RNPC3: variants seen among roughly 807,000 people sequenced by gnomAD.
RNPC3 encodes the protein RNA-binding region-containing protein 3.
A neutral mutation model predicts 67.5 loss-of-function variants in RNPC3; 48 were observed. That is an observed-to-expected ratio of 0.71 (90% CI 0.56 to 0.90). RNPC3 has a LOEUF of 0.90. Ranked by LOEUF, RNPC3 falls within the 40% of genes least tolerant of loss-of-function variation. The probability of loss-of-function intolerance (pLI) is 0.00; values close to 1 mark genes in which losing one functional copy is unlikely to be tolerated. For missense variants in RNPC3, 637 were observed against 626.1 expected (o/e 1.02, Z -0.19); for synonymous variants, 239 against 210.3 (o/e 1.14, Z -1.18).
chr1:103,544,187 T>C (rs1651191007), intron 9 of RNPC3, among the ~76,000 whole-genome samples: 1 of 151,822 alleles, frequency 6.6e-6, no homozygotes, highest in Admixed American at 6.6e-5. Flanking sequence ...TGTGTGTGTG[T>C]ATGTATGTAT....
intron 6 of RNPC3, 97 bp from the exon 7 acceptor site, chr1:103,537,242 AAAG>A: frequency 1.2e-6 from 1 of 863,794 alleles, no homozygotes; most frequent in Non-Finnish European, 1.7e-6. Context: ...AAAAAAAAAA[AAAG>A]ACCATGTGAT....
chr1:103,536,176 T>C lies in RNPC3; in HGVS notation c.606T>C (p.Ile202=). The C allele has an allele frequency of 6.5e-7, 1 of 1,535,970 alleles. No individual in the cohort carries two copies. Among genetic ancestry groups the C allele is most frequent in the Non-Finnish European group, 8.7e-7 (1 of 1,145,896 alleles). The change falls in exon 6 of 15, where the codon ATT becomes ATC. Residue 202 remains isoleucine, a synonymous_variant. Transcript: ENST00000423855. ...ATTTGCCCACACCTTTTGGACCAAT[T>C]ACTGCGCGACCTCCCATGGTAAGAA... is the stretch of plus-strand genomic sequence containing the variant. The part of the protein sequence containing the change: ...KMNLPTPFGP[I]TARPPMYEDY...
rs539692595 is a variant in RNPC3 at position 103,537,383 on chromosome 1, A to G, written c.666A>G (p.Thr222=). 15 of 1,535,914 alleles carry G rather than the reference A, an allele frequency of 9.8e-6. No homozygotes were observed. The highest frequency in any genetic ancestry group is 8.3e-5 in the South Asian group (7 of 84,010). The stretch of plus-strand genomic sequence containing the variant: ...CATTGCATGCACCTCTTCCACCCAC[A>G]TCTCCTCAGCCACCTGAGGAACCTC... ...YMPLHAPLPP[T]SPQPPEEPPL... The change falls in exon 7 of 15, where the codon ACA becomes ACG. Residue 222 remains threonine, a synonymous_variant. Coordinates refer to ENST00000423855, the MANE Select transcript of RNPC3 (RefSeq NM_017619.4).
chr1:103,529,689 G>T (rs564001545), intron 2 of RNPC3, among the ~76,000 whole-genome samples: 5 of 152,262 alleles, frequency 3.3e-5, no homozygotes, highest in Non-Finnish European at 7.4e-5. Flanking sequence ...TAATAAAGAG[G>T]TCTAAAGTTC....
At position 103,544,904 on chromosome 1, in the gene RNPC3, A is replaced by G; in HGVS notation, c.1046-37A>G. 2.2e-6 allele frequency: 3 copies of G among 1,355,604 alleles called. No homozygotes were observed. In the South Asian group the frequency reaches 4.4e-5, roughly 20 times the overall value. 84.0% of individuals were successfully genotyped at this position (1,355,604 alleles called of 1,614,324 possible). A position where few individuals can be genotyped will look rare whatever the true frequency, so the allele number is the denominator to read the frequency against. On this transcript the variant is annotated intron_variant, in intron 9 of 14. Coordinates refer to ENST00000423855, the MANE Select transcript of RNPC3 (RefSeq NM_017619.4). ...GACCCAAAAACTATTTTTAAAGGAG[A>G]GATTCTTAATGGTTAATGTTAATAT...
At chr1:103,551,637 A>AAAATTAAAAAACAATACT in intron 13 of RNPC3, 84 bp from the exon 14 acceptor site, 1 of 832,802 alleles carries the variant, frequency 1.2e-6, no homozygotes, top group Non-Finnish European at 1.9e-6. Flanking sequence ...CCATACTCCC[A>AAAATTAAAAAACAATACT]CCATACACTA....
At chr1:103,553,224 T>C (rs572196090) in intron 14 of RNPC3, 14 of 152,334 alleles carry the variant, frequency 9.2e-5, no homozygotes, top group African/African-American at 3.4e-4. Context: ...TTAAATCTGG[T>C]GCTGAAAAAT....
chr1:103,539,819 A>T (rs1421179553), intron 7 of RNPC3, among the ~76,000 whole-genome samples: 3 of 152,174 alleles, frequency 2.0e-5, no homozygotes, highest in African/African-American at 7.2e-5. Flanking sequence ...TACCAGTATG[A>T]TACCACATAT....
intron 4 of RNPC3, 141 bp downstream of exon 4, chr1:103,534,998 A>G (rs1475735819): frequency 7.4e-6 from 4 of 543,934 alleles, no homozygotes; most frequent in Non-Finnish European, 9.5e-6. Flanking sequence ...ATATACAGAT[A>G]TCTTATTGCA....
chr1:103,528,718 T>G (rs1650772878), intron 2 of RNPC3, among the ~76,000 whole-genome samples: 1 of 152,102 alleles, frequency 6.6e-6, no homozygotes, highest in Admixed American at 6.5e-5. Context: ...AGGTGAAGAA[T>G]GGAAAGATTC....
At chr1:103,554,199 C>G (rs1424035877) in intron 14 of RNPC3, 1 of 152,118 alleles carries the variant, frequency 6.6e-6, no homozygotes, top group Non-Finnish European at 1.5e-5. Flanking sequence ...ACAAAAAATA[C>G]AAAAATTAGC....
intron 7 of RNPC3, among the ~76,000 whole-genome samples, chr1:103,539,474 G>C (rs1651068563): frequency 6.6e-6 from 1 of 152,230 alleles, no homozygotes; most frequent in African/African-American, 2.4e-5. Context: ...AACTTGTTGA[G>C]TGTTAACTGC....
chr1:103,549,240 AAAGGT>A (rs1265475614), intron 12 of RNPC3, among the ~76,000 whole-genome samples: 3 of 152,218 alleles, frequency 2.0e-5, no homozygotes, highest in Non-Finnish European at 4.4e-5. Flanking sequence ...AAGAAGTAGA[AAAGGT>A]AAGAGGCTTT....
chr1:103,551,487 T>C (rs1378621112), intron 13 of RNPC3, among the ~76,000 whole-genome samples: 1 of 152,182 alleles, frequency 6.6e-6, no homozygotes, highest in Non-Finnish European at 1.5e-5. Flanking sequence ...TCAATGCAGT[T>C]TGCAAACTAG....
intron 12 of RNPC3, among the ~76,000 whole-genome samples, chr1:103,549,449 A>AT (rs1651332550): frequency 6.6e-6 from 1 of 151,678 alleles, no homozygotes. Context: ...GCCAAAATAT[A>AT]TTTTTTCTGC....
In RNPC3 at chr1:103,535,387, A is replaced by C; in HGVS notation, c.501A>C (p.Thr167=). Residue 167 remains threonine (T), a synonymous_variant, in exon 5 of 15, where the codon ACA becomes ACC. Transcript: ENST00000423855. ...ATATGTACCCACCACCTTCCAGCAC[A>C]ATCCTAGCAAACATTGTAAATGCCT... The part of the protein sequence containing the change: ...LKYMYPPPSS[T]ILANIVNALA... 1 of 1,535,856 alleles carries C rather than the reference A, an allele frequency of 6.5e-7. No homozygotes were observed. Among genetic ancestry groups the C allele is most frequent in the Non-Finnish European group, 8.7e-7 (1 of 1,145,858 alleles).
At chr1:103,537,570 T>C in intron 7 of RNPC3, 86 bp downstream of exon 7, 1 of 1,107,294 alleles carries the variant, frequency 9.0e-7, no homozygotes, top group East Asian at 2.6e-5. Context: ...TTTGTGTGTA[T>C]AATACTTAAT....
intron 8 of RNPC3, among the ~76,000 whole-genome samples, chr1:103,542,491 G>A (rs1373285395): frequency 1.3e-5 from 2 of 151,938 alleles, no homozygotes; most frequent in African/African-American, 4.8e-5. Context: ...TAAAAATTAA[G>A]AATTCCTTTT....
rs572690911 is a variant in RNPC3, at chr1:103,537,791, AATTT to A, written c.767+312_767+315del. Among the ~76,000 whole-genome samples the A allele has an allele frequency of 7.9e-5, 12 of 152,104 alleles. No homozygotes were observed. In the South Asian group the frequency reaches 2.3e-3, roughly 29 times the overall value. ...ATCTGAGAATTTGCCTATGTGCTAAAATTTATTTGTGACTTCAAAATCAATAATC... is the reference window on the plus strand; with the variant it reads ...ATCTGAGAATTTGCCTATGTGCTAAAATTTGTGACTTCAAAATCAATAATC... On this transcript the variant is annotated intron_variant, in intron 7 of 14. Transcript: ENST00000423855.
Sources: gnomAD v4.1 joint callset for allele counts (sites outside exome capture counted in the v4.1 genomes callset) on GRCh38, gnomAD v4.1.1 for gene constraint, MANE v1.5 for transcripts, NCBI Gene and HGNC (gene_info 2026-07-23, HGNC 2026-07-21) for gene names.